The following ASXL3 variants were observed in gnomAD, a reference collection of about 807,000 sequenced individuals.
ASXL3 encodes the protein putative Polycomb group protein ASXL3.
Under a neutral mutation model 170.6 loss-of-function variants are expected in ASXL3, and 34 were observed. That is an observed-to-expected ratio of 0.20 (90% CI 0.15 to 0.27). The LOEUF (loss-of-function observed/expected upper bound fraction) is 0.27, where lower values mean the gene tolerates loss of function less well. Among genes scored for constraint, ASXL3 ranks in the 10% least tolerant of loss-of-function variants. The pLI, the probability that ASXL3 is intolerant of heterozygous loss-of-function variation, is 1.00. For missense variants in ASXL3, 2,592 were observed against 2,695.3 expected (o/e 0.96, Z 0.85); for synonymous variants, 1,002 against 989.1 (o/e 1.01, Z -0.24).
intron 3 of ASXL3, among the ~76,000 whole-genome samples, chr18:33,645,225 T>A (rs2145199852): frequency 6.6e-6 from 1 of 152,142 alleles, no homozygotes; most frequent in African/African-American, 2.4e-5. Context: ...TAATGCAGAA[T>A]ACTTGTAGCT....
chr18:33,705,256 T>C lies in ASXL3; in HGVS notation c.879+21688T>C, dbSNP rs1257326139. On this transcript the variant is annotated intron_variant, in intron 8 of 11. Transcript: ENST00000269197. ...AAGCTACCATTTATTATGTTTTTAA[T>C]GTCTACTACATATTTATTTCACTGG... Among the ~76,000 whole-genome samples, 2 of 151,662 alleles carry C rather than the reference T, an allele frequency of 1.3e-5. 1 individual carries two copies. The highest frequency in any genetic ancestry group is 4.1e-4 in the South Asian group (2 of 4,832).
chr18:33,646,125 C>T, intron 3 of ASXL3, 120 bp from the exon 4 acceptor site: 3 of 631,458 alleles, frequency 4.8e-6, no homozygotes, highest in South Asian at 2.4e-5. Flanking sequence ...AAAAGTAAAT[C>T]ATTATTGAAA....
In ASXL3 at chr18:33,713,229, G is replaced by GTTTTTTTTTTTTTTTTTTTTTTTTTT. The variant is rs1478922106; in HGVS notation, c.880-18731_880-18730insTTTTTTTTTTTTTTTTTTTTTTTTTT. Among the ~76,000 whole-genome samples the GTTTTTTTTTTTTTTTTTTTTTTTTTT allele has an allele frequency of 4.9e-5, 4 of 81,760 alleles. 1 individual carries two copies. Among genetic ancestry groups the GTTTTTTTTTTTTTTTTTTTTTTTTTT allele is most frequent in the Non-Finnish European group, 8.4e-5 (4 of 47,402 alleles). The allele number at this position is 81,760 out of a possible 152,430, so 53.6% of individuals were successfully genotyped here. ...GCAGTTAGCAATCTACCACAAGAAG[G>GTTTTTTTTTTTTTTTTTTTTTTTTTT]TTTTTTTTGTTTTGTTTTGTTTTTT... On this transcript the variant is annotated intron_variant, in intron 8 of 11. Transcript: ENST00000269197.
At chr18:33,588,931 AT>A (rs1295267754) in intron 1 of ASXL3, among the ~76,000 whole-genome samples, 3 of 151,978 alleles carry the variant, frequency 2.0e-5, no homozygotes, top group African/African-American at 7.2e-5. Context: ...ACATTCTTAT[AT>A]TTTTTTCTTA....
chr18:33,709,806 G>A (rs994660395), intron 8 of ASXL3, among the ~76,000 whole-genome samples: 11 of 152,048 alleles, frequency 7.2e-5, no homozygotes, highest in Non-Finnish European at 1.5e-4. Flanking sequence ...CTATTCTTCC[G>A]CCCTAACTTG....
chr18:33,739,228 C>T lies in ASXL3; in HGVS notation c.1824C>T (p.Ile608=). The part of the protein sequence containing the change: ...PEEQLSENAC[I]SETSFSSESP... ...AACAGCTTTCAGAAAATGCCTGCAT[C>T]TCTGAAACGTCCTTTTCTTCTGAGA... The change falls in exon 11 of 12, where the codon ATC becomes ATT. Residue 608 remains isoleucine, a synonymous_variant. Coordinates refer to ENST00000269197, the MANE Select transcript of ASXL3 (RefSeq NM_030632.3). 1 of 1,613,874 alleles carries T rather than the reference C, an allele frequency of 6.2e-7. No individual in the cohort carries two copies. Among genetic ancestry groups the T allele is most frequent in the Non-Finnish European group, 8.5e-7 (1 of 1,179,842 alleles).
chr18:33,638,841 G>T (rs1003499060), intron 2 of ASXL3, among the ~76,000 whole-genome samples: 2 of 152,050 alleles, frequency 1.3e-5, no homozygotes, highest in African/African-American at 4.8e-5. Flanking sequence ...ATAAATGGTA[G>T]CTATAGTAAT....
At chr18:33,727,864 T>A (rs1298866788) in intron 8 of ASXL3, among the ~76,000 whole-genome samples, 1 of 152,186 alleles carries the variant, frequency 6.6e-6, no homozygotes, top group Non-Finnish European at 1.5e-5. Context: ...AGTATTTAAT[T>A]TTACTGTCTG....
In ASXL3 at chr18:33,739,621, G is replaced by T; in HGVS notation, c.2217G>T (p.Glu739Asp). The T allele has an allele frequency of 6.2e-7, 1 of 1,613,842 alleles. No individual in the cohort carries two copies. The highest frequency in any genetic ancestry group is 1.1e-5 in the South Asian group (1 of 91,078). Residue 739 changes from glutamate to aspartate, a missense_variant, in exon 11 of 12, where the codon GAG becomes GAT. Physicochemically the swap from Glu to Asp is conservative, Grantham distance 45 (BLOSUM62 2). Coordinates refer to ENST00000269197, the MANE Select transcript of ASXL3 (RefSeq NM_030632.3). ...SSVSSMLLTS[E>D]TTFVSSLPLP... is the part of the protein sequence containing the mutation. ...TGTCTTCCATGCTTCTCACCTCTGA[G>T]ACCACTTTTGTATCCAGTTTGCCAC...
intron 4 of ASXL3, among the ~76,000 whole-genome samples, chr18:33,658,670 T>G (rs1267288927): frequency 2.0e-5 from 3 of 152,098 alleles, no homozygotes; most frequent in African/African-American, 7.2e-5. Context: ...CTATAGTTAT[T>G]GTGTCAGTAA....
intron 8 of ASXL3, among the ~76,000 whole-genome samples, chr18:33,695,164 T>TTAAAAGATTA (rs1382900123): frequency 5.3e-5 from 8 of 152,302 alleles, no homozygotes; most frequent in African/African-American, 1.7e-4. Flanking sequence ...GTCAATTTAC[T>TTAAAAGATTA]TAAAAGATTA....
intron 10 of ASXL3, 42 bp downstream of exon 10, chr18:33,734,457 A>G (rs2145403182): frequency 7.5e-7 from 1 of 1,336,880 alleles, no homozygotes; most frequent in South Asian, 1.3e-5. Context: ...TGAGAAAGAA[A>G]TGAAAATGTA....
intron 8 of ASXL3, among the ~76,000 whole-genome samples, chr18:33,716,029 A>G (rs369777698): frequency 5.3e-5 from 8 of 152,348 alleles, no homozygotes; most frequent in East Asian, 3.9e-4. Context: ...TAAAGTCTCA[A>G]TGGCAATTTT....
At chr18:33,698,900 A>G (rs1038177783) in intron 8 of ASXL3, among the ~76,000 whole-genome samples, 2 of 152,130 alleles carry the variant, frequency 1.3e-5, no homozygotes, top group African/African-American at 4.8e-5. Context: ...GATCAGGGAA[A>G]AGGGGAGTTC....
chr18:33,621,135 A>G (rs1268984184), intron 2 of ASXL3, among the ~76,000 whole-genome samples: 3 of 152,188 alleles, frequency 2.0e-5, no homozygotes, highest in Non-Finnish European at 4.4e-5. Flanking sequence ...TCTGGTAAGG[A>G]TGTTTTAGAT....
At chr18:33,695,943 G>A (rs1309109735) in intron 8 of ASXL3, among the ~76,000 whole-genome samples, 1 of 152,064 alleles carries the variant, frequency 6.6e-6, no homozygotes, top group Non-Finnish European at 1.5e-5. Flanking sequence ...TTAGCTGCCA[G>A]TTTATGCAGG....
intron 1 of ASXL3, among the ~76,000 whole-genome samples, chr18:33,598,531 A>G (rs892792682): frequency 2.0e-5 from 3 of 152,166 alleles, no homozygotes; most frequent in Admixed American, 6.6e-5. Flanking sequence ...GAGTTAACTA[A>G]TGTCTGCCTC....
At chr18:33,605,802 C>A (rs1423532284) in intron 1 of ASXL3, 1 of 152,230 alleles carries the variant, frequency 6.6e-6, no homozygotes, top group African/African-American at 2.4e-5. Context: ...CCTTTCTCAC[C>A]CTCCTCCTAT....
chr18:33,643,384 C>A (rs2065874410), intron 2 of ASXL3, among the ~76,000 whole-genome samples: 1 of 151,734 alleles, frequency 6.6e-6, no homozygotes, highest in Non-Finnish European at 1.5e-5. Flanking sequence ...GGTCTGCAAA[C>A]TTGTAGGAGC....
Sources: gnomAD v4.1 joint callset for allele counts (sites outside exome capture counted in the v4.1 genomes callset) on GRCh38, gnomAD v4.1.1 for gene constraint, MANE v1.5 for transcripts, NCBI Gene and HGNC (gene_info 2026-07-23, HGNC 2026-07-21) for gene names.